The following PLXDC2 variants were observed in gnomAD, a reference collection of about 807,000 sequenced individuals.
PLXDC2 encodes plexin domain-containing protein 2.
PLXDC2 carries 40 observed loss-of-function variants against 68.9 expected under a neutral mutation model. The observed-to-expected ratio is 0.58, with a 90% CI of 0.45 to 0.76. The LOEUF (loss-of-function observed/expected upper bound fraction) is 0.76. Among genes scored for constraint, PLXDC2 ranks in the 30% least tolerant of loss-of-function variants. PLXDC2 has a pLI of 0.00. For synonymous variants in PLXDC2, 243 were observed against 234.2 expected, an observed-to-expected ratio of 1.04 and a Z score of -0.34; for missense variants, 644 against 661.9, an observed-to-expected ratio of 0.97 and a Z score of 0.30.
chr10:19,996,655 G>C (rs1834848897), intron 1 of PLXDC2, among the ~76,000 whole-genome samples: 1 of 152,098 alleles, frequency 6.6e-6, no homozygotes, highest in Non-Finnish European at 1.5e-5. Flanking sequence ...GTGACCTGAG[G>C]CACCTGTATT....
intron 3 of PLXDC2, among the ~76,000 whole-genome samples, chr10:20,066,491 C>A (rs886299276): frequency 6.6e-6 from 1 of 152,104 alleles, no homozygotes; most frequent in African/African-American, 2.4e-5. Context: ...ATATAATAAG[C>A]AAGTGCTTTT....
In PLXDC2 at chr10:20,196,827, T is replaced by C. The variant is rs761423385; in HGVS notation, c.1062-14842T>C. 4.2e-4 allele frequency among the ~76,000 whole-genome samples: 64 copies of C among 152,308 alleles called. 1 individual carries two copies. The highest frequency in any genetic ancestry group is 7.1e-4 in the Non-Finnish European group (48 of 68,026). ...AACAGTGTTAGTAACTTGCACTTTT[T>C]CCCTCTCTTCTTCCCATTATAGCCA... On this transcript the variant is annotated intron_variant, in intron 9 of 13. Transcript: ENST00000377252.
At chr10:19,907,199 T>C (rs1833179594) in intron 1 of PLXDC2, among the ~76,000 whole-genome samples, 1 of 152,216 alleles carries the variant, frequency 6.6e-6, no homozygotes, top group Admixed American at 6.5e-5. Context: ...AATTCTAGCC[T>C]TAAGATGATA....
At chr10:20,090,222 A>G (rs556930310) in intron 4 of PLXDC2, among the ~76,000 whole-genome samples, 2 of 152,340 alleles carry the variant, frequency 1.3e-5, no homozygotes, top group Non-Finnish European at 2.9e-5. Context: ...AAAAATGCCC[A>G]TGTGTATTTT....
chr10:19,946,288 AC>A (rs1181850488), intron 1 of PLXDC2, among the ~76,000 whole-genome samples: 6 of 152,124 alleles, frequency 3.9e-5, no homozygotes, highest in East Asian at 1.9e-4. Context: ...AATTAAAAAA[AC>A]ATTAATATTC....
At chr10:19,927,010 C>T (rs929089613) in intron 1 of PLXDC2, among the ~76,000 whole-genome samples, 2 of 152,164 alleles carry the variant, frequency 1.3e-5, no homozygotes, top group Non-Finnish European at 2.9e-5. Context: ...GAGTCATCAG[C>T]CTCCCTTCTT....
At chr10:20,010,124 T>C (rs995911343) in intron 2 of PLXDC2, among the ~76,000 whole-genome samples, 5 of 152,162 alleles carry the variant, frequency 3.3e-5, no homozygotes, top group African/African-American at 9.7e-5. Context: ...TAATTGCAGG[T>C]CTCTGTCATT....
rs1554765383 is a variant in PLXDC2 at position 20,082,070 on chromosome 10, A to AAAAAAAAAAAAAC, written c.541+13837_541+13838insAAAAAACAAAAAA. On this transcript the variant is annotated intron_variant, in intron 4 of 13. Coordinates refer to ENST00000377252, the MANE Select transcript of PLXDC2 (RefSeq NM_032812.9). ...GAAAAAAAAAAAAAAAAATCAAAAA[A>AAAAAAAAAAAAAC]AAAAAACAGGAGAAGTCTGAGAAAC... is the stretch of plus-strand genomic sequence containing the variant. 1.3e-3 allele frequency among the ~76,000 whole-genome samples: 153 copies of AAAAAAAAAAAAAC among 121,954 alleles called. 22 individuals carry two copies. Among genetic ancestry groups the AAAAAAAAAAAAAC allele is most frequent in the East Asian group, 9.9e-3 (33 of 3,344 alleles). 80.0% of individuals were successfully genotyped at this position (121,954 alleles called of 152,430 possible). A position where few individuals can be genotyped will look rare whatever the true frequency, so the allele number is the denominator to read the frequency against.
intron 7 of PLXDC2, among the ~76,000 whole-genome samples, chr10:20,166,483 C>A (rs1284863884): frequency 1.3e-5 from 2 of 152,004 alleles, no homozygotes; most frequent in Admixed American, 1.3e-4. Flanking sequence ...GAGGCTGAGC[C>A]CTAGGACAGC....
intron 10 of PLXDC2, among the ~76,000 whole-genome samples, chr10:20,213,160 T>G (rs1367522040): frequency 6.6e-6 from 1 of 152,128 alleles, no homozygotes; most frequent in Non-Finnish European, 1.5e-5. Context: ...TATTTTTGTG[T>G]ATTTTTTTCT....
intron 4 of PLXDC2, among the ~76,000 whole-genome samples, chr10:20,120,489 C>T (rs906925108): frequency 2.1e-4 from 32 of 152,146 alleles, no homozygotes; most frequent in Admixed American, 1.2e-3. Context: ...CTAATAAAGG[C>T]TGGTCTGTTA....
At chr10:19,886,611 G>C (rs1263103744) in intron 1 of PLXDC2, among the ~76,000 whole-genome samples, 2 of 152,178 alleles carry the variant, frequency 1.3e-5, no homozygotes, top group African/African-American at 4.8e-5. Flanking sequence ...ATTAGGAATT[G>C]ATGGGACATA....
At chr10:20,099,476 T>G (rs1033436177) in intron 4 of PLXDC2, among the ~76,000 whole-genome samples, 7 of 152,216 alleles carry the variant, frequency 4.6e-5, no homozygotes, top group Non-Finnish European at 1.0e-4. Flanking sequence ...AAAATTTGAA[T>G]ATTTCACGTA....
chr10:20,252,008 A>G (rs1835682448), intron 13 of PLXDC2, among the ~76,000 whole-genome samples: 1 of 152,198 alleles, frequency 6.6e-6, no homozygotes, highest in Non-Finnish European at 1.5e-5. Flanking sequence ...AAGCTTTGAA[A>G]TGTCCTCAGA....
At chr10:19,851,424 T>C (rs1036256723) in intron 1 of PLXDC2, among the ~76,000 whole-genome samples, 2 of 152,212 alleles carry the variant, frequency 1.3e-5, no homozygotes, top group African/African-American at 4.8e-5. Flanking sequence ...CCTCACATGT[T>C]TTAGTACCTC....
intron 4 of PLXDC2, among the ~76,000 whole-genome samples, chr10:20,137,548 T>C (rs963604969): frequency 6.6e-6 from 1 of 152,198 alleles, no homozygotes; most frequent in Admixed American, 6.5e-5. Context: ...ACACTAAAAG[T>C]AGCATGATTT....
At chr10:19,864,906 G>A (rs1224323172) in intron 1 of PLXDC2, among the ~76,000 whole-genome samples, 1 of 152,154 alleles carries the variant, frequency 6.6e-6, no homozygotes, top group East Asian at 1.9e-4. Flanking sequence ...CTGAGTTTGG[G>A]AGGGTAAGTG....
intron 1 of PLXDC2, among the ~76,000 whole-genome samples, chr10:19,887,015 G>T (rs965106343): frequency 6.6e-6 from 1 of 152,142 alleles, no homozygotes; most frequent in Admixed American, 6.5e-5. Flanking sequence ...ATTATGAAAA[G>T]AGTTTTTGAC....
At chr10:20,078,117 T>C (rs1407059450) in intron 4 of PLXDC2, among the ~76,000 whole-genome samples, 2 of 152,222 alleles carry the variant, frequency 1.3e-5, no homozygotes, top group Non-Finnish European at 2.9e-5. Context: ...AATTAAAGAT[T>C]ATCTTGCAGA....
Sources: allele counts gnomAD v4.1 joint callset (sites outside exome capture counted in the v4.1 genomes callset), GRCh38; gene constraint gnomAD v4.1.1; transcripts MANE v1.5; gene names NCBI Gene and HGNC (gene_info 2026-07-23, HGNC 2026-07-21).